Variants in P2RY14 observed in about 807,000 individuals in gnomAD.
P2RY14 encodes the protein purinergic receptor P2Y14, also known as P2Y purinoceptor 14.
P2RY14 carries 2 observed loss-of-function variants against 0.9 expected under a neutral mutation model. The ratio of observed to expected loss-of-function variants is 2.16; its 90% CI spans 0.88 to 6.79. The LOEUF (loss-of-function observed/expected upper bound fraction) is 6.79, where lower values mean the gene tolerates loss of function less well. Ranked by LOEUF, P2RY14 falls within the 30% of genes most tolerant of loss-of-function variation. P2RY14 has a pLI of 0.05. For missense variants in P2RY14, 378 were observed against 400.1 expected (o/e 0.94, Z 0.47); for synonymous variants, 158 against 147.2 (o/e 1.07, Z -0.53).
intron 1 of P2RY14, among the ~76,000 whole-genome samples, chr3:151,276,406 C>T (rs1741865272): frequency 6.6e-6 from 1 of 152,212 alleles, no homozygotes; most frequent in African/African-American, 2.4e-5. Context: ...CATCATCCTC[C>T]ACTAGACAGC....
intron 1 of P2RY14, among the ~76,000 whole-genome samples, chr3:151,226,739 G>C (rs1231005603): frequency 6.6e-6 from 1 of 152,128 alleles, no homozygotes; most frequent in African/African-American, 2.4e-5. Context: ...TTATCTTCCA[G>C]ATACTGCGGC....
intron 1 of P2RY14, among the ~76,000 whole-genome samples, chr3:151,229,279 G>C (rs1731131607): frequency 6.6e-6 from 1 of 150,408 alleles, no homozygotes; most frequent in Non-Finnish European, 1.5e-5. Context: ...AACATACTGT[G>C]GTAATAACTT....
At chr3:151,225,715 T>G (rs1350359495) in intron 1 of P2RY14, among the ~76,000 whole-genome samples, 2 of 152,180 alleles carry the variant, frequency 1.3e-5, no homozygotes, top group Non-Finnish European at 2.9e-5. Context: ...GAATCTCACT[T>G]TCTCCTTCAC....
chr3:151,269,397 T>TCACACA (rs71801434), intron 1 of P2RY14: 7,277 of 144,672 alleles, frequency 0.05, 281 homozygotes, highest in African/African-American at 0.098. Context: ...TGAAACTCCA[T>TCACACA]CACACACACA....
chr3:151,238,377 C>T (rs542077434), intron 1 of P2RY14, among the ~76,000 whole-genome samples: 1 of 152,158 alleles, frequency 6.6e-6, no homozygotes, highest in Non-Finnish European at 1.5e-5. Flanking sequence ...GAACTCCTGA[C>T]CTCAGGTGAT....
intron 1 of P2RY14, among the ~76,000 whole-genome samples, chr3:151,234,379 A>G (rs1423231564): frequency 6.6e-6 from 1 of 152,232 alleles, no homozygotes; most frequent in Non-Finnish European, 1.5e-5. Context: ...AGGTATTGCA[A>G]ATAGTTACGT....
chr3:151,216,529 C>T (rs867784392), intron 2 of P2RY14, among the ~76,000 whole-genome samples: 4 of 152,180 alleles, frequency 2.6e-5, no homozygotes, highest in Admixed American at 1.3e-4. Context: ...TTTCCTTTCC[C>T]ATATGCTTTC....
chr3:151,272,327 G>C (rs976483818), intron 1 of P2RY14, among the ~76,000 whole-genome samples: 1 of 152,100 alleles, frequency 6.6e-6, no homozygotes. Context: ...ACATGTTTTT[G>C]GACAAATAAA....
At chr3:151,258,870 A>G (rs899275290) in intron 1 of P2RY14, among the ~76,000 whole-genome samples, 10 of 151,672 alleles carry the variant, frequency 6.6e-5, no homozygotes, top group Admixed American at 2.0e-4. Context: ...AAAAAAAAAA[A>G]AAAGTCCTTC....
At chr3:151,244,062 G>T (rs1261548753) in intron 1 of P2RY14, among the ~76,000 whole-genome samples, 1 of 112,144 alleles carries the variant, frequency 8.9e-6, no homozygotes, top group African/African-American at 2.8e-5. Flanking sequence ...AACAAGAAGA[G>T]CTAACTCTCC....
intron 1 of P2RY14, among the ~76,000 whole-genome samples, chr3:151,239,487 A>G (rs1733637974): frequency 6.6e-6 from 1 of 152,244 alleles, no homozygotes; most frequent in Non-Finnish European, 1.5e-5. Flanking sequence ...TCTAGGCCAG[A>G]TGTTAAAGAG....
Position 151,270,602 on chromosome 3 carries a change from A to G in P2RY14, c.-133+7685T>C, listed in dbSNP as rs188153046. On this transcript the variant is annotated intron_variant, in intron 1 of 2. Transcript: ENST00000309170. The stretch of plus-strand genomic sequence containing the variant: ...GGATAGTTAGCATTTGCCAACATGT[A>G]TCTGTCTACTTTCTCTTGTTTAAAA... Among the ~76,000 whole-genome samples the G allele has an allele frequency of 1.1e-4, 16 of 152,222 alleles. No individual in the cohort carries two copies. In the East Asian group the frequency reaches 3.1e-3, roughly 29 times the overall value.
At chr3:151,232,155 T>C (rs1415129825) in intron 1 of P2RY14, among the ~76,000 whole-genome samples, 2 of 152,170 alleles carry the variant, frequency 1.3e-5, no homozygotes, top group Admixed American at 1.3e-4. Flanking sequence ...ATCCTTAAAA[T>C]TGATGTTTCT....
chr3:151,262,324 C>A (rs1311614712), intron 1 of P2RY14, among the ~76,000 whole-genome samples: 6 of 152,238 alleles, frequency 3.9e-5, no homozygotes, highest in African/African-American at 1.4e-4. Flanking sequence ...TCTCCAGTAG[C>A]ATGAGTAGCC....
At chr3:151,254,090 A>G (rs111867215) in intron 1 of P2RY14, among the ~76,000 whole-genome samples, 1,962 of 151,918 alleles carry the variant, frequency 0.013, 47 homozygotes, top group African/African-American at 0.046. Flanking sequence ...CATATAATGA[A>G]AAAAATAGAA....
chr3:151,240,212 TA>T, intron 1 of P2RY14, among the ~76,000 whole-genome samples: 1 of 152,184 alleles, frequency 6.6e-6, no homozygotes, highest in East Asian at 1.9e-4. Context: ...CCTGTGTCAA[TA>T]GATGTTCACT....
chr3:151,270,216 T>TGTGTGTGTGTGC (rs1553764786), intron 1 of P2RY14: 1 of 156,138 alleles, frequency 6.4e-6, no homozygotes, highest in African/African-American at 2.4e-5. Flanking sequence ...TGTGTGTGTG[T>TGTGTGTGTGTGC]GTGTGTGTGT....
At chr3:151,242,206 C>G (rs974956030) in intron 1 of P2RY14, among the ~76,000 whole-genome samples, 1 of 152,206 alleles carries the variant, frequency 6.6e-6, no homozygotes, top group Non-Finnish European at 1.5e-5. Flanking sequence ...GAGGGGCGCC[C>G]GCCATTGCCC....
intron 2 of P2RY14, among the ~76,000 whole-genome samples, chr3:151,215,007 A>G (rs185847528): frequency 4.6e-5 from 7 of 152,278 alleles, no homozygotes; most frequent in Admixed American, 4.6e-4. Flanking sequence ...AGAAAAGTGT[A>G]TTCTACATAT....
Sources: allele counts gnomAD v4.1 joint callset (sites outside exome capture counted in the v4.1 genomes callset), GRCh38; gene constraint gnomAD v4.1.1; transcripts MANE v1.5; gene names NCBI Gene and HGNC (gene_info 2026-07-23, HGNC 2026-07-21).